LRP6: variants seen among roughly 807,000 people sequenced by gnomAD.
The protein encoded by LRP6 is low-density lipoprotein receptor-related protein 6.
In LRP6, 43 loss-of-function variants were observed where a neutral mutation model predicts 184.1. The ratio of observed to expected loss-of-function variants is 0.23; its 90% CI spans 0.18 to 0.30. The LOEUF (loss-of-function observed/expected upper bound fraction) is 0.30, where lower values mean the gene tolerates loss of function less well. Among genes scored for constraint, LRP6 ranks in the 10% least tolerant of loss-of-function variants. The probability of loss-of-function intolerance (pLI) is 1.00; values close to 1 mark genes in which losing one functional copy is unlikely to be tolerated. For synonymous variants in LRP6, 719 were observed against 684.9 expected (o/e 1.05, Z -0.78); for missense variants, 1,571 against 2,005.3 (o/e 0.78, Z 4.14).
In LRP6 at chr12:12,229,330, A is replaced by G. The variant is rs1864715353; in HGVS notation, c.449+14932T>C. 2.1e-5 allele frequency among the ~76,000 whole-genome samples: 3 copies of G among 144,816 alleles called. No individual in the cohort carries two copies. The South Asian group carries it at 6.6e-4, about 32-fold the overall frequency. On this transcript the variant is annotated intron_variant, in intron 2 of 22. Transcript: ENST00000261349. Reference sequence around the variant, plus strand: ...GGTTGCTGTGAGCCGAGATCATGCCATTGCACTCCAGCCTGGGCAAAAGAA... The same window carrying G: ...GGTTGCTGTGAGCCGAGATCATGCCGTTGCACTCCAGCCTGGGCAAAAGAA...
At chr12:12,122,517 A>T (rs1949618865) in intron 22 of LRP6, among the ~76,000 whole-genome samples, 1 of 152,198 alleles carries the variant, frequency 6.6e-6, no homozygotes, top group Admixed American at 6.5e-5. Context: ...GGCTTGCTTC[A>T]AAAGAAATGG....
Position 12,205,655 on chromosome 12 carries a change from TCAC to T in LRP6, c.450-2258_450-2256del, listed in dbSNP as rs531839654. On this transcript the variant is annotated intron_variant, in intron 2 of 22. Coordinates refer to ENST00000261349, the MANE Select transcript of LRP6 (RefSeq NM_002336.3). ...AACCCTACAAAATATTATTTGTTCA[TCAC>T]CACATTTTGATGAGAAAACTGAGAA... Among the ~76,000 whole-genome samples the T allele has an allele frequency of 2.8e-4, 42 of 152,356 alleles. No homozygotes were observed. In the South Asian group the frequency reaches 5.6e-3, roughly 20 times the overall value.
At chr12:12,182,307 A>T (rs780966271) in intron 5 of LRP6, among the ~76,000 whole-genome samples, 1 of 152,230 alleles carries the variant, frequency 6.6e-6, no homozygotes, top group Non-Finnish European at 1.5e-5. Flanking sequence ...TAAAAAATAA[A>T]GATTTTCAGA....
Position 12,222,566 on chromosome 12 carries a change from C to CA in LRP6, c.450-19167dup, listed in dbSNP as rs1219035988. On this transcript the variant is annotated intron_variant, in intron 2 of 22. Coordinates refer to ENST00000261349, the MANE Select transcript of LRP6 (RefSeq NM_002336.3). ...TGGGCGAGAAAGCAAGACTCCGTCT[C>CA]AAAAAAAAAAAAGAAAGAAAGAAAG... is the stretch of plus-strand genomic sequence containing the variant. Among the ~76,000 whole-genome samples, 1,182 of 134,944 alleles carry CA rather than the reference C, an allele frequency of 8.8e-3. 23 individuals are homozygous for CA. Among genetic ancestry groups the CA allele is most frequent in the African/African-American group, 0.03 (1,111 of 36,444 alleles). The allele number at this position is 134,944 out of a possible 152,430, so 88.5% of individuals were successfully genotyped here. A position where few individuals can be genotyped will look rare whatever the true frequency, so the allele number is the denominator to read the frequency against.
At chr12:12,209,383 G>A (rs962649959) in intron 2 of LRP6, among the ~76,000 whole-genome samples, 19 of 152,256 alleles carry the variant, frequency 1.2e-4, no homozygotes, top group South Asian at 6.2e-4. Context: ...AAAGCTAATG[G>A]ATAATCCCTT....
chr12:12,147,630 C>T (rs369312282), intron 14 of LRP6, 74 bp from the exon 15 acceptor site: 3 of 1,157,124 alleles, frequency 2.6e-6, no homozygotes, highest in African/African-American at 3.1e-5. Flanking sequence ...CTTATTAAGA[C>T]AAATGGAGGT....
Position 12,244,621 on chromosome 12 carries a change from G to C in LRP6, c.90C>G (p.Asp30Glu). The C allele has an allele frequency of 1.2e-6, 2 of 1,614,064 alleles. No homozygotes were observed. The highest frequency in any genetic ancestry group is 1.7e-6 in the Non-Finnish European group (2 of 1,180,018). Residue 30 changes from aspartate (D) to glutamate (E), a missense_variant, in exon 2 of 23, where the codon GAC becomes GAG. Physicochemically the swap from Asp to Glu is conservative, Grantham distance 45 (BLOSUM62 2). Transcript: ENST00000261349. Reference protein sequence around the residue: ...APLLLYANRRDLRLVDATNGK... With the variant: ...APLLLYANRRELRLVDATNGK... ...CATTTGTAGCATCAACCAATCGCAA[G>C]TCCCGTCTGTTTGCATAAAGCAACA...
chr12:12,185,246 C>T (rs1439732240), intron 4 of LRP6, among the ~76,000 whole-genome samples: 2 of 152,080 alleles, frequency 1.3e-5, no homozygotes, highest in Non-Finnish European at 2.9e-5. Flanking sequence ...CTGCAGGGAG[C>T]CGTGATCACA....
chr12:12,231,180 C>CAAAAAAAAAAAAAAAAAAAAA (rs10661340), intron 2 of LRP6, among the ~76,000 whole-genome samples: 1 of 23,558 alleles, frequency 4.2e-5, no homozygotes, highest in African/African-American at 2.2e-4. Context: ...GACTCCATCT[C>CAAAAAAAAAAAAAAAAAAAAA]AAAAAAAAAA....
At chr12:12,214,750 A>G (rs923067973) in intron 2 of LRP6, among the ~76,000 whole-genome samples, 2 of 152,228 alleles carry the variant, frequency 1.3e-5, no homozygotes, top group African/African-American at 4.8e-5. Flanking sequence ...AAACCAACCC[A>G]TTAGTTCCCT....
chr12:12,122,498 A>G (rs887519716), intron 22 of LRP6, among the ~76,000 whole-genome samples: 5 of 152,178 alleles, frequency 3.3e-5, no homozygotes, highest in Non-Finnish European at 7.3e-5. Context: ...AAACCATTTG[A>G]TATCACTTGG....
intron 2 of LRP6, among the ~76,000 whole-genome samples, chr12:12,237,727 C>G (rs1458170623): frequency 6.6e-6 from 1 of 152,174 alleles, no homozygotes; most frequent in African/African-American, 2.4e-5. Context: ...GAGGAACGTT[C>G]TACAAATGAC....
At position 12,205,329 on chromosome 12, in the gene LRP6, CAAAAAAAAAA is replaced by C. The variant is rs56169717; in HGVS notation, c.450-1939_450-1930del. 1.6e-3 allele frequency among the ~76,000 whole-genome samples: 63 copies of C among 39,110 alleles called. 1 individual carries two copies. Among genetic ancestry groups the C allele is most frequent in the East Asian group, 6.6e-3 (7 of 1,056 alleles). The allele number at this position is 39,110 out of a possible 152,430, so 25.7% of individuals were successfully genotyped here. Reference sequence around the variant, plus strand: ...AGAATAAGACTCTGTCTCAAACAAACAAAAAAAAAAAAAAAAAAAAAAAAAAAGAGGTAAT... The same window carrying C: ...AGAATAAGACTCTGTCTCAAACAAACAAAAAAAAAAAAAAAAAGAGGTAAT... On this transcript the variant is annotated intron_variant, in intron 2 of 22. Coordinates refer to ENST00000261349, the MANE Select transcript of LRP6 (RefSeq NM_002336.3).
In LRP6 at chr12:12,235,490, G is replaced by C. The variant is rs182692430; in HGVS notation, c.449+8772C>G. On this transcript the variant is annotated intron_variant, in intron 2 of 22. Coordinates refer to ENST00000261349, the MANE Select transcript of LRP6 (RefSeq NM_002336.3). ...CACGCCTGTAATCTCACGCACTTTG[G>C]GAGGCCAAAGCAGGCGGATCACCTG... Among the ~76,000 whole-genome samples the C allele has an allele frequency of 9.2e-5, 14 of 152,178 alleles. No homozygotes were observed. The East Asian group carries it at 2.7e-3, about 29-fold the overall frequency.
intron 16 of LRP6, among the ~76,000 whole-genome samples, chr12:12,135,891 T>C (rs530134219): frequency 1.3e-5 from 2 of 152,238 alleles, no homozygotes; most frequent in South Asian, 2.1e-4. Context: ...AACTAAAAAA[T>C]TGCTAGGGAG....
At chr12:12,155,607 T>C in intron 12 of LRP6, 3 of 822,778 alleles carry the variant, frequency 3.6e-6, no homozygotes, top group South Asian at 2.8e-5. Context: ...TGGAAAGTTA[T>C]CAGAAAAAGA....
At chr12:12,148,820 G>C (rs1210116016) in intron 14 of LRP6, 122 bp downstream of exon 14, 1 of 794,528 alleles carries the variant, frequency 1.3e-6, no homozygotes, top group East Asian at 2.4e-5. Context: ...CAAACTGATA[G>C]AGAATATTGA....
intron 3 of LRP6, among the ~76,000 whole-genome samples, chr12:12,190,149 T>C (rs1242147730): frequency 1.3e-5 from 2 of 152,228 alleles, no homozygotes; most frequent in Non-Finnish European, 1.5e-5. Flanking sequence ...ATATAATGAT[T>C]TGTCCAGCCA....
In LRP6 at chr12:12,261,485, A is replaced by G. The variant is rs549339288; in HGVS notation, c.55+5196T>C. Among the ~76,000 whole-genome samples, 217 of 152,290 alleles carry G rather than the reference A, an allele frequency of 1.4e-3. 1 individual carries two copies. The highest frequency in any genetic ancestry group is 5.1e-3 in the African/African-American group (211 of 41,556). ...CAAGCTAAAACCTTAAAATTTAATA[A>G]CCAGACAAATTATTGTTTAGCCAAA... On this transcript the variant is annotated intron_variant, in intron 1 of 22. Coordinates refer to ENST00000261349, the MANE Select transcript of LRP6 (RefSeq NM_002336.3).
Sources: gnomAD v4.1 joint callset for allele counts (sites outside exome capture counted in the v4.1 genomes callset) on GRCh38, gnomAD v4.1.1 for gene constraint, MANE v1.5 for transcripts, NCBI Gene and HGNC (gene_info 2026-07-23, HGNC 2026-07-21) for gene names.